The following PTPN2 variants were observed in gnomAD, a reference collection of about 807,000 sequenced individuals.
PTPN2 encodes tyrosine-protein phosphatase non-receptor type 2.
PTPN2 carries 19 observed loss-of-function variants against 57.3 expected under a neutral mutation model. The ratio of observed to expected loss-of-function variants is 0.33; its 90% CI spans 0.23 to 0.49. The LOEUF is 0.49. Ranked by LOEUF, PTPN2 falls within the 20% of genes least tolerant of loss-of-function variation. PTPN2 has a pLI of 0.99. For synonymous variants in PTPN2, 153 were observed against 164.9 expected, an observed-to-expected ratio of 0.93 and a Z score of 0.55; for missense variants, 358 against 501.1, an observed-to-expected ratio of 0.71 and a Z score of 2.73.
At chr18:12,827,965 C>T (rs1382070154) in intron 4 of PTPN2, among the ~76,000 whole-genome samples, 1 of 151,848 alleles carries the variant, frequency 6.6e-6, no homozygotes, top group Non-Finnish European at 1.5e-5. Flanking sequence ...CCCAGAATGG[C>T]CAATTACTAA....
In PTPN2 at chr18:12,802,161, G is replaced by A; in HGVS notation, c.859-10C>T. ...GTTCTTTCCATCGTTTCTAGGTAGG[G>A]AAGAGAAATGAAAAACAAATGCAAA... On this transcript the variant is annotated splice_polypyrimidine_tract_variant and intron_variant, in intron 7 of 8. Transcript: ENST00000309660. 1.9e-6 allele frequency: 3 copies of A among 1,559,174 alleles called. No homozygotes were observed. The highest frequency in any genetic ancestry group is 2.6e-6 in the Non-Finnish European group (3 of 1,157,150).
intron 1 of PTPN2, chr18:12,862,143 CCTCTTT>C (rs1598869632): frequency 1.3e-5 from 2 of 151,236 alleles, no homozygotes; most frequent in Admixed American, 6.6e-5. Context: ...ATTCCAATAT[CCTCTTT>C]CTCTTTCTTT....
rs1259419252 is a variant in PTPN2 at position 12,794,490 on chromosome 18, G to A, written c.1041-5C>T. ...CGAATACGTTTCCGTAGAGCACTAT[G>A]AGGAAATAAAAACAAGTGAAAGGAA... On this transcript the variant is annotated splice_polypyrimidine_tract_variant and splice_region_variant and intron_variant, in intron 8 of 8. Coordinates refer to ENST00000309660, the MANE Select transcript of PTPN2 (RefSeq NM_002828.4). 3 of 1,611,570 alleles carry A rather than the reference G, an allele frequency of 1.9e-6. No individual in the cohort carries two copies. The highest frequency in any genetic ancestry group is 1.1e-5 in the South Asian group (1 of 90,940).
At chr18:12,851,071 A>G (rs547736637) in intron 2 of PTPN2, among the ~76,000 whole-genome samples, 2 of 152,286 alleles carry the variant, frequency 1.3e-5, no homozygotes, top group Admixed American at 1.3e-4. Flanking sequence ...TTTACTTGAC[A>G]GCCTAGTCAA....
At chr18:12,848,588 G>C (rs1401303108) in intron 2 of PTPN2, among the ~76,000 whole-genome samples, 10 of 152,242 alleles carry the variant, frequency 6.6e-5, no homozygotes. Context: ...GTCTCATAGA[G>C]ATGCCTTGTG....
At chr18:12,809,581 T>C (rs2041819673) in intron 7 of PTPN2, among the ~76,000 whole-genome samples, 1 of 152,216 alleles carries the variant, frequency 6.6e-6, no homozygotes, top group Admixed American at 6.5e-5. Flanking sequence ...TGACTTGGTA[T>C]GGACAGGGAT....
In PTPN2 at chr18:12,855,249, G is replaced by GT. The variant is rs1336088832; in HGVS notation, c.160+3914dup. The stretch of plus-strand genomic sequence containing the variant: ...TTGATTCTTTTAAGCCTGTGTACAG[G>GT]TAAGAAATGTCCATCCATGTAGGTA... On this transcript the variant is annotated intron_variant, in intron 2 of 8. Coordinates refer to ENST00000309660, the MANE Select transcript of PTPN2 (RefSeq NM_002828.4). 2.6e-5 allele frequency among the ~76,000 whole-genome samples: 4 copies of GT among 152,150 alleles called. No homozygotes were observed. In the East Asian group the frequency reaches 7.7e-4, roughly 29 times the overall value.
At chr18:12,874,839 A>G (rs1598897383) in intron 1 of PTPN2, among the ~76,000 whole-genome samples, 1 of 152,240 alleles carries the variant, frequency 6.6e-6, no homozygotes, top group Non-Finnish European at 1.5e-5. Flanking sequence ...GGCCATGATG[A>G]CAATGGTGGT....
In PTPN2 at chr18:12,792,793, G is replaced by A. The variant is rs1020764525; in HGVS notation, c.*1485C>T. 42 of 496,214 alleles carry A rather than the reference G, an allele frequency of 8.5e-5. 1 individual carries two copies. Among genetic ancestry groups the A allele is most frequent in the Non-Finnish European group, 1.0e-4 (39 of 383,328 alleles). 30.7% of individuals were successfully genotyped at this position (496,214 alleles called of 1,614,324 possible). A position where few individuals can be genotyped will look rare whatever the true frequency, so the allele number is the denominator to read the frequency against. On this transcript the variant is annotated 3_prime_UTR_variant, in exon 9 of 9. Coordinates refer to ENST00000309660, the MANE Select transcript of PTPN2 (RefSeq NM_002828.4). ...TTTAGTAGAGATGGTGTTTCACCAC[G>A]TTGGCCAGGCTGGTCTTGAACTCCT...
At chr18:12,832,397 A>G (rs2042701868) in intron 3 of PTPN2, among the ~76,000 whole-genome samples, 1 of 152,076 alleles carries the variant, frequency 6.6e-6, no homozygotes, top group South Asian at 2.1e-4. Context: ...GATTACAGGT[A>G]TCAGCCATGG....
chr18:12,855,956 A>C (rs2043574541), intron 2 of PTPN2, among the ~76,000 whole-genome samples: 1 of 152,248 alleles, frequency 6.6e-6, no homozygotes, highest in South Asian at 2.1e-4. Context: ...GAAAAAGTCA[A>C]CTAAAGATCC....
At chr18:12,843,432 T>C (rs1200399595) in intron 2 of PTPN2, among the ~76,000 whole-genome samples, 2 of 152,198 alleles carry the variant, frequency 1.3e-5, no homozygotes, top group African/African-American at 4.8e-5. Context: ...TATTTTAATC[T>C]AGAAACAACC....
At chr18:12,840,878 G>T in intron 2 of PTPN2, 1 of 1,572,116 alleles carries the variant, frequency 6.4e-7, no homozygotes, top group Non-Finnish European at 8.6e-7. Flanking sequence ...CTTCTGTGCC[G>T]ATGCAGTCCA....
At chr18:12,881,268 C>T (rs1469353738) in intron 1 of PTPN2, among the ~76,000 whole-genome samples, 1 of 152,148 alleles carries the variant, frequency 6.6e-6, no homozygotes, top group Admixed American at 6.5e-5. Context: ...AACCCTGTCT[C>T]TACTAAAAGT....
rs1292845245 is a variant in PTPN2 at position 12,870,452 on chromosome 18, TATATATATATAG to T, written c.70-11210_70-11199del. Among the ~76,000 whole-genome samples the T allele has an allele frequency of 1.2e-4, 5 of 41,212 alleles. 1 individual carries two copies. Among genetic ancestry groups the T allele is most frequent in the African/African-American group, 7.8e-4 (5 of 6,422 alleles). 27.0% of individuals were successfully genotyped at this position (41,212 alleles called of 152,430 possible). On this transcript the variant is annotated intron_variant, in intron 1 of 8. Coordinates refer to ENST00000309660, the MANE Select transcript of PTPN2 (RefSeq NM_002828.4). The stretch of plus-strand genomic sequence containing the variant: ...GTATATATATATGTGTATATATATA[TATATATATATAG>T]AGAGAGAGAGAGAGAGAGAGAGAGA...
At chr18:12,792,118 G>A, downstream of PTPN2, 1 of 691,568 alleles carries the variant, frequency 1.4e-6, no homozygotes, top group South Asian at 6.4e-5. Flanking sequence ...CAAGGTTACA[G>A]GACACAGTAA....
At chr18:12,841,576 T>C (rs544960136) in intron 2 of PTPN2, among the ~76,000 whole-genome samples, 31 of 152,364 alleles carry the variant, frequency 2.0e-4, no homozygotes, top group South Asian at 1.7e-3. Context: ...AAGTATACAT[T>C]GTTTAGGAAA....
chr18:12,822,577 G>A (rs1433363584), intron 5 of PTPN2, among the ~76,000 whole-genome samples: 1 of 152,190 alleles, frequency 6.6e-6, no homozygotes, highest in Non-Finnish European at 1.5e-5. Flanking sequence ...TAGACTGGAG[G>A]AGGCGCAGGG....
intron 8 of PTPN2, 99 bp from the exon 9 acceptor site, chr18:12,794,584 GT>G: frequency 1.4e-6 from 2 of 1,388,544 alleles, no homozygotes. Context: ...CATCCACATA[GT>G]TTTCACCCTA....
Sources: gnomAD v4.1 joint callset for allele counts (sites outside exome capture counted in the v4.1 genomes callset) on GRCh38, gnomAD v4.1.1 for gene constraint, MANE v1.5 for transcripts, NCBI Gene and HGNC (gene_info 2026-07-23, HGNC 2026-07-21) for gene names.